IGF2R: variants seen among roughly 807,000 people sequenced by gnomAD.
The protein encoded by IGF2R is insulin like growth factor 2 receptor.
In IGF2R, 91 loss-of-function variants were observed where a neutral mutation model predicts 270.6. The observed-to-expected ratio is 0.34, with a 90% confidence interval of 0.28 to 0.40. IGF2R has a LOEUF of 0.40. Among genes scored for constraint, IGF2R ranks in the 10% least tolerant of loss-of-function variants. The pLI is 1.00. For synonymous variants in IGF2R, 1,316 were observed against 1,258.9 expected, an observed-to-expected ratio of 1.05 and a Z score of -0.96; for missense variants, 2,805 against 3,188.3, an observed-to-expected ratio of 0.88 and a Z score of 2.90.
chr6:160,029,143 G>A (rs113114274), intron 6 of IGF2R, among the ~76,000 whole-genome samples: 4 of 152,182 alleles, frequency 2.6e-5, no homozygotes, highest in African/African-American at 9.6e-5. Flanking sequence ...ACCATGCCCA[G>A]CTAATTTTTG....
chr6:159,988,020 A>G (rs113432823), intron 1 of IGF2R, among the ~76,000 whole-genome samples: 5,705 of 152,326 alleles, frequency 0.037, 164 homozygotes, highest in South Asian at 0.12. Flanking sequence ...AAATCTTGAC[A>G]AAACAAGTAT....
chr6:159,987,270 G>A (rs1309777728), intron 1 of IGF2R, among the ~76,000 whole-genome samples: 1 of 152,222 alleles, frequency 6.6e-6, no homozygotes, highest in Non-Finnish European at 1.5e-5. Context: ...TCTAGTGATA[G>A]TTTAACCAGG....
rs1777928553 is a variant in IGF2R at position 160,040,781 on chromosome 6, A to G, written c.1480+57A>G. ...CCACATGCTCATGGAACATTTTCCCATGAGTACTTTTGGAAATGCGGTTAC... is the reference window on the plus strand; with the variant it reads ...CCACATGCTCATGGAACATTTTCCCGTGAGTACTTTTGGAAATGCGGTTAC... On this transcript the variant is annotated intron_variant, in intron 11 of 47. Transcript: ENST00000356956. 9 of 1,527,996 alleles carry G rather than the reference A, an allele frequency of 5.9e-6. No individual in the cohort carries two copies. In the Admixed American group the frequency reaches 7.5e-5, roughly 13 times the overall value. The allele number at this position is 1,527,996 out of a possible 1,614,324, so 94.7% of individuals were successfully genotyped here.
chr6:159,990,468 T>C (rs1175839398), intron 1 of IGF2R, among the ~76,000 whole-genome samples: 3 of 152,218 alleles, frequency 2.0e-5, no homozygotes, highest in African/African-American at 7.2e-5. Flanking sequence ...TCTGTCACGA[T>C]TGTAAGTTTC....
Position 160,027,302 on chromosome 6 carries a change from T to C in IGF2R, c.764T>C (p.Val255Ala). The C allele has an allele frequency of 6.2e-7, 1 of 1,613,440 alleles. No individual in the cohort carries two copies. The highest frequency in any genetic ancestry group is 8.5e-7 in the Non-Finnish European group (1 of 1,179,760). Residue 255 changes from valine to alanine, a missense_variant, in exon 6 of 48, where the codon GTG (valine) becomes GCG (alanine). Physicochemically the swap from Val to Ala is moderately conservative, Grantham distance 64. Around this residue, in one of 2 missense-constraint regions of IGF2R, gnomAD observed 954 missense variants for 981.1 expected, o/e 0.97. Coordinates refer to ENST00000356956, the MANE Select transcript of IGF2R (RefSeq NM_000876.4). ...CAGCCCCGGGACGGACTGAAGCTGG[T>C]GCGCAAGGACAGGTCAGTCAAGGCC... is the stretch of plus-strand genomic sequence containing the variant. The part of the protein sequence containing the change: ...VGQPRDGLKL[V>A]RKDRLVLSYV...
At chr6:160,082,028 C>A (rs1778994437) in intron 39 of IGF2R, among the ~76,000 whole-genome samples, 1 of 152,192 alleles carries the variant, frequency 6.6e-6, no homozygotes, top group South Asian at 2.1e-4. Flanking sequence ...TAAAGACAGG[C>A]ATAGGAAATT....
chr6:160,089,782 G>T lies in IGF2R; in HGVS notation c.6468-134G>T, dbSNP rs1180133116. 1.8e-5 allele frequency: 10 copies of T among 553,968 alleles called. No homozygotes were observed. The East Asian group carries it at 3.2e-4, about 18-fold the overall frequency. The allele number at this position is 553,968 out of a possible 1,614,324, so 34.3% of individuals were successfully genotyped here. A position where few individuals can be genotyped will look rare whatever the true frequency, so the allele number is the denominator to read the frequency against. On this transcript the variant is annotated intron_variant, in intron 43 of 47. Coordinates refer to ENST00000356956, the MANE Select transcript of IGF2R (RefSeq NM_000876.4). The stretch of plus-strand genomic sequence containing the variant: ...GTGGGGTCACAGACGTGCTGCCCTA[G>T]CGTGTCCGTGCTTCCTTTCCCTAGG...
At chr6:160,024,538 A>C (rs767750901) in intron 4 of IGF2R, 34 bp from the exon 5 acceptor site, 1 of 1,609,964 alleles carries the variant, frequency 6.2e-7, no homozygotes, top group Non-Finnish European at 8.5e-7. Context: ...CAAGATGTAT[A>C]CTGAAGACTC....
intron 20 of IGF2R, among the ~76,000 whole-genome samples, chr6:160,057,513 A>G (rs771099912): frequency 5.9e-5 from 9 of 152,130 alleles, no homozygotes; most frequent in South Asian, 2.1e-4. Flanking sequence ...TTCATGGACA[A>G]TGTTTCTGGG....
intron 2 of IGF2R, among the ~76,000 whole-genome samples, chr6:159,992,470 G>A (rs1443941837): frequency 2.0e-5 from 3 of 152,006 alleles, no homozygotes; most frequent in Non-Finnish European, 4.4e-5. Context: ...TGTGGTATTT[G>A]GTGTTCTCTT....
At position 160,096,642 on chromosome 6, in the gene IGF2R, G is replaced by A; in HGVS notation, c.6842+17G>A. 6.3e-7 allele frequency: 1 copy of A among 1,595,122 alleles called. No individual in the cohort carries two copies. The highest frequency in any genetic ancestry group is 8.6e-7 in the Non-Finnish European group (1 of 1,168,066). On this transcript the variant is annotated intron_variant, in intron 45 of 47. Transcript: ENST00000356956. Reference sequence around the variant, plus strand: ...TCCTCTGGGGTGAGTATGACATCCGGAAGCTTAGCACTTGTACCCCACATC... The same window carrying A: ...TCCTCTGGGGTGAGTATGACATCCGAAAGCTTAGCACTTGTACCCCACATC...
intron 45 of IGF2R, among the ~76,000 whole-genome samples, chr6:160,100,012 T>C (rs1004773182): frequency 2.0e-5 from 3 of 152,162 alleles, no homozygotes; most frequent in Non-Finnish European, 4.4e-5. Context: ...AATATAAATA[T>C]AGTATGTAAC....
chr6:160,062,423 C>T (rs960389785), intron 25 of IGF2R, 109 bp from the exon 26 acceptor site: 14 of 779,618 alleles, frequency 1.8e-5, no homozygotes, highest in Admixed American at 4.3e-5. Flanking sequence ...CCACCCGTCT[C>T]GGCCTCCCAA....
At chr6:160,075,158 C>T (rs986823691) in intron 35 of IGF2R, among the ~76,000 whole-genome samples, 2 of 152,182 alleles carry the variant, frequency 1.3e-5, no homozygotes, top group African/African-American at 4.8e-5. Flanking sequence ...ATCACATACA[C>T]AGTTCCTGGC....
intron 43 of IGF2R, among the ~76,000 whole-genome samples, chr6:160,089,497 C>T (rs766821966): frequency 3.3e-5 from 5 of 152,244 alleles, no homozygotes; most frequent in Non-Finnish European, 7.3e-5. Flanking sequence ...TCCCTCTCTT[C>T]ATGATAATCT....
At chr6:160,066,446 C>T (rs571720080) in intron 29 of IGF2R, among the ~76,000 whole-genome samples, 2 of 152,242 alleles carry the variant, frequency 1.3e-5, no homozygotes, top group South Asian at 2.1e-4. Flanking sequence ...AGCCACTGCG[C>T]CCGGCCTTCC....
intron 39 of IGF2R, among the ~76,000 whole-genome samples, chr6:160,080,987 G>A (rs112170089): frequency 0.013 from 1,956 of 151,498 alleles, 16 homozygotes; most frequent in South Asian, 0.024. Flanking sequence ...TTAGCTGGGC[G>A]TGGTGGCGGG....
chr6:160,096,497 G>T lies in IGF2R; in HGVS notation c.6714G>T (p.Lys2238Asn). 6.2e-7 allele frequency: 1 copy of T among 1,614,194 alleles called. No homozygotes were observed. Among genetic ancestry groups the T allele is most frequent in the Non-Finnish European group, 8.5e-7 (1 of 1,180,032 alleles). The change falls in exon 45 of 48, where the codon AAG (lysine) becomes AAT (asparagine). Residue 2238 changes from lysine to asparagine, a missense_variant. Lys to Asn is a moderately conservative substitution (Grantham distance 94). Coordinates refer to ENST00000356956, the MANE Select transcript of IGF2R (RefSeq NM_000876.4). ...CTAAGTGCGGAAAGGATAAGACCAA[G>T]TCTGTTTCTTCCACCATCTTCTTCC... ...SSSKCGKDKTKSVSSTIFFHC... is the reference protein window; with the variant it reads ...SSSKCGKDKTNSVSSTIFFHC...
chr6:160,090,225 A>G (rs566391540), intron 44 of IGF2R, 122 bp downstream of exon 44: 122 of 609,136 alleles, frequency 2.0e-4, no homozygotes, highest in Admixed American at 3.8e-4. Context: ...ACCTTGGTCT[A>G]ATTCTTTACT....
Sources: allele counts gnomAD v4.1 joint callset (sites outside exome capture counted in the v4.1 genomes callset), GRCh38; gene constraint gnomAD v4.1.1; regional missense constraint gnomAD v4.1.1; transcripts MANE v1.5; gene names NCBI Gene and HGNC (gene_info 2026-07-23, HGNC 2026-07-21).